ZNF106: variants seen among roughly 807,000 people sequenced by gnomAD.
ZNF106 encodes zinc finger protein 106.
ZNF106 carries 67 observed loss-of-function variants against 195.1 expected under a neutral mutation model. The observed-to-expected ratio is 0.34, with a 90% CI of 0.28 to 0.42. ZNF106 has a LOEUF of 0.42. Ranked by LOEUF, ZNF106 falls within the 10% of genes least tolerant of loss-of-function variation. The pLI is 1.00. For synonymous variants in ZNF106, 784 were observed against 818.6 expected (o/e 0.96, Z 0.72); for missense variants, 2,118 against 2,304.5 (o/e 0.92, Z 1.66).
intron 4 of ZNF106, among the ~76,000 whole-genome samples, chr15:42,455,716 T>C (rs1464596774): frequency 3.9e-5 from 6 of 152,202 alleles, no homozygotes; most frequent in Admixed American, 1.3e-4. Flanking sequence ...TAAAAACAAC[T>C]TCCTTTTTAT....
intron 6 of ZNF106, 83 bp from the exon 7 acceptor site, chr15:42,446,741 A>G (rs921920756): frequency 1.7e-6 from 2 of 1,186,826 alleles, no homozygotes; most frequent in Admixed American, 2.5e-5. Flanking sequence ...ATTCTAAGAT[A>G]GCCATACACT....
intron 18 of ZNF106, 140 bp downstream of exon 18, chr15:42,422,361 T>C: frequency 8.8e-7 from 1 of 1,142,640 alleles, no homozygotes; most frequent in Non-Finnish European, 1.2e-6. Flanking sequence ...ACAGGCCAGC[T>C]GTTTCATAAT....
Position 42,442,126 on chromosome 15 carries a change from G to A in ZNF106, c.3710C>T (p.Ala1237Val). The change falls in exon 10 of 22, where the codon GCT becomes GTT. Residue 1237 changes from alanine to valine, a missense_variant. Physicochemically the swap from Ala to Val is moderately conservative, Grantham distance 64 (BLOSUM62 0). Transcript: ENST00000564754. ...MSPEQDENVNAVPPSSACNVS... is the reference protein window; with the variant it reads ...MSPEQDENVNVVPPSSACNVS... ...ATTGCAGGCAGAGCTTGGTGGCACA[G>A]CATTCACATTCTCATCTTGTTCAGG... The A allele has an allele frequency of 1.9e-6, 3 of 1,614,114 alleles. No individual in the cohort carries two copies. The highest frequency in any genetic ancestry group is 2.5e-6 in the Non-Finnish European group (3 of 1,180,012).
intron 10 of ZNF106, 120 bp from the exon 11 acceptor site, chr15:42,439,933 G>GT: frequency 9.6e-7 from 1 of 1,046,728 alleles, no homozygotes; most frequent in Non-Finnish European, 1.3e-6. Flanking sequence ...GTTTCAGCTG[G>GT]TATCTCACCC....
chr15:42,474,467 C>T (rs1022352723), intron 1 of ZNF106, among the ~76,000 whole-genome samples: 1 of 152,116 alleles, frequency 6.6e-6, no homozygotes, highest in East Asian at 1.9e-4. Flanking sequence ...GAGTAAATAG[C>T]AGGGTTTGAG....
At chr15:42,466,448 TA>T (rs922944789) in intron 2 of ZNF106, among the ~76,000 whole-genome samples, 48 of 149,312 alleles carry the variant, frequency 3.2e-4, no homozygotes, top group South Asian at 6.4e-4. Flanking sequence ...AAAGTTCATT[TA>T]AAAAAAAAAC....
intron 1 of ZNF106, among the ~76,000 whole-genome samples, chr15:42,472,938 G>A (rs867699180): frequency 3.3e-5 from 5 of 151,586 alleles, no homozygotes; most frequent in African/African-American, 7.3e-5. Context: ...ACCCAAGAGC[G>A]GAGGTTGCAG....
intron 4 of ZNF106, among the ~76,000 whole-genome samples, chr15:42,454,780 T>C (rs1018781102): frequency 1.3e-5 from 2 of 151,888 alleles, no homozygotes; most frequent in African/African-American, 4.8e-5. Flanking sequence ...ATGCCTGTAG[T>C]TCCAGCTTCT....
intron 13 of ZNF106, among the ~76,000 whole-genome samples, chr15:42,436,974 C>T (rs1208110051): frequency 1.3e-5 from 2 of 152,148 alleles, no homozygotes; most frequent in Non-Finnish European, 2.9e-5. Flanking sequence ...TCCAGTGGCT[C>T]CTGACATTTA....
At position 42,417,072 on chromosome 15, in the gene ZNF106, A is replaced by G. The variant is rs1291778769; in HGVS notation, c.*232T>C. On this transcript the variant is annotated 3_prime_UTR_variant, in exon 22 of 22. Coordinates refer to ENST00000564754, the MANE Select transcript of ZNF106 (RefSeq NM_001366845.3). Reference sequence around the variant, plus strand: ...ATCACTATATGCCATGCTGTCCCAGAGAAGTATGGTTCCTTAACATTTGTC... The same window carrying G: ...ATCACTATATGCCATGCTGTCCCAGGGAAGTATGGTTCCTTAACATTTGTC... The G allele has an allele frequency of 5.9e-6, 3 of 505,786 alleles. No homozygotes were observed. The highest frequency in any genetic ancestry group is 5.8e-5 in the African/African-American group (3 of 51,794). 31.3% of individuals were successfully genotyped at this position (505,786 alleles called of 1,614,324 possible).
At position 42,415,155 on chromosome 15, in the gene ZNF106, C is replaced by T. The variant is rs532877961; in HGVS notation, c.*2149G>A. ...TTTTTTTTTGAGGTGGAGTTTCACT[C>T]TTGTCGCCCAGGCTGGAGTGCAGTA... On this transcript the variant is annotated 3_prime_UTR_variant, in exon 22 of 22. Transcript: ENST00000564754. 1.4e-3 allele frequency: 219 copies of T among 155,938 alleles called. No homozygotes were observed. Among genetic ancestry groups the T allele is most frequent in the Admixed American group, 3.1e-3 (46 of 14,900 alleles). The allele number at this position is 155,938 out of a possible 1,614,324, so 9.7% of individuals were successfully genotyped here.
rs1162999546 is a variant in ZNF106, at chr15:42,418,532, A to ATTTTTTTTTTTTT, written c.5518-594_5518-582dup. Among the ~76,000 whole-genome samples, 128 of 96,230 alleles carry ATTTTTTTTTTTTT rather than the reference A, an allele frequency of 1.3e-3. 7 individuals carry two copies. The highest frequency in any genetic ancestry group is 3.2e-3 in the African/African-American group (74 of 23,448). 63.1% of individuals were successfully genotyped at this position (96,230 alleles called of 152,430 possible). A position where few individuals can be genotyped will look rare whatever the true frequency, so the allele number is the denominator to read the frequency against. ...AGGCGTGCACCACCACGGCCAGTTAATTTTTTTTTTTTTTTTTTTTTTTTT... is the reference window on the plus strand; with the variant it reads ...AGGCGTGCACCACCACGGCCAGTTAATTTTTTTTTTTTTTTTTTTTTTTTTTTTTTTTTTTTTT... On this transcript the variant is annotated intron_variant, in intron 20 of 21. Coordinates refer to ENST00000564754, the MANE Select transcript of ZNF106 (RefSeq NM_001366845.3).
At chr15:42,477,477 G>A (rs1489707880) in intron 1 of ZNF106, among the ~76,000 whole-genome samples, 2 of 152,112 alleles carry the variant, frequency 1.3e-5, no homozygotes, top group Non-Finnish European at 2.9e-5. Flanking sequence ...CTTTCATTTG[G>A]CCACGTCAGT....
intron 1 of ZNF106, among the ~76,000 whole-genome samples, chr15:42,477,852 T>C (rs1429457616): frequency 2.0e-5 from 3 of 151,602 alleles, no homozygotes; most frequent in African/African-American, 7.3e-5. Context: ...ATCGGGCCAC[T>C]GCACTCCAGC....
chr15:42,490,568 C>T (rs2057132416), intron 1 of ZNF106, among the ~76,000 whole-genome samples: 1 of 151,986 alleles, frequency 6.6e-6, no homozygotes, highest in Non-Finnish European at 1.5e-5. Context: ...AGGAGAGAAA[C>T]GAAAGGAGGA....
intron 3 of ZNF106, among the ~76,000 whole-genome samples, chr15:42,460,078 A>G (rs1259737604): frequency 6.6e-6 from 1 of 151,864 alleles, no homozygotes; most frequent in Non-Finnish European, 1.5e-5. Context: ...TTGTCTTAAA[A>G]CTCTCTAAAA....
intron 14 of ZNF106, among the ~76,000 whole-genome samples, chr15:42,428,906 G>A (rs2054954519): frequency 1.3e-5 from 2 of 151,718 alleles, no homozygotes; most frequent in South Asian, 2.1e-4. Flanking sequence ...TGGGACCACA[G>A]GCGCCCGCCA....
intron 1 of ZNF106, among the ~76,000 whole-genome samples, chr15:42,487,540 CCCT>C (rs2057044998): frequency 6.6e-6 from 1 of 150,756 alleles, no homozygotes; most frequent in African/African-American, 2.5e-5. Context: ...TATTACTACC[CCCT>C]CCTGTTTCCT....
In ZNF106 at chr15:42,465,076, T is replaced by C. The variant is rs117989480; in HGVS notation, c.116+977A>G. Among the ~76,000 whole-genome samples, 534 of 152,334 alleles carry C rather than the reference T, an allele frequency of 3.5e-3. 1 individual carries two copies. The highest frequency in any genetic ancestry group is 5.7e-3 in the Non-Finnish European group (389 of 68,034). ...TATGTCTTTATTAGCAGCGTGAGAA[T>C]AGACTAATACAATGGGGTTTCCCCA... On this transcript the variant is annotated intron_variant, in intron 3 of 21. Transcript: ENST00000564754.
Sources: allele counts gnomAD v4.1 joint callset (sites outside exome capture counted in the v4.1 genomes callset), GRCh38; gene constraint gnomAD v4.1.1; transcripts MANE v1.5; gene names NCBI Gene and HGNC (gene_info 2026-07-23, HGNC 2026-07-21).